ZRANB3: variants seen among roughly 807,000 people sequenced by gnomAD.
ZRANB3 encodes the protein DNA annealing helicase and endonuclease ZRANB3.
ZRANB3 carries 125 observed loss-of-function variants against 133.8 expected under a neutral mutation model. The ratio of observed to expected loss-of-function variants is 0.93; its 90% CI spans 0.81 to 1.08. ZRANB3 has a LOEUF of 1.08. ZRANB3 is among the 50% of genes least tolerant of loss of function. The pLI is 0.00. For missense variants in ZRANB3, 1,229 were observed against 1,275.5 expected (o/e 0.96, Z 0.56); for synonymous variants, 387 against 432.7 (o/e 0.89, Z 1.31).
In ZRANB3 at chr2:135,439,080, A is replaced by T. The variant is rs989217038; in HGVS notation, c.162-48260T>A. On this transcript the variant is annotated intron_variant, in intron 2 of 20. Transcript: ENST00000264159. The stretch of plus-strand genomic sequence containing the variant: ...CTAATGTATAGCAAATATGGATACT[A>T]TAAGAAATTTTAAAAGTTGAGCTTC... Among the ~76,000 whole-genome samples the T allele has an allele frequency of 3.2e-4, 48 of 152,348 alleles. No individual in the cohort carries two copies. In the South Asian group the frequency reaches 3.7e-3, roughly 12 times the overall value.
intron 8 of ZRANB3, among the ~76,000 whole-genome samples, chr2:135,308,072 C>T (rs1195652986): frequency 6.6e-6 from 1 of 152,092 alleles, no homozygotes; most frequent in Non-Finnish European, 1.5e-5. Flanking sequence ...CTGGTACCAA[C>T]TCAGCATAAG....
intron 3 of ZRANB3, among the ~76,000 whole-genome samples, chr2:135,367,591 AAAAT>A (rs1355226440): frequency 3.3e-5 from 5 of 152,210 alleles, no homozygotes; most frequent in African/African-American, 2.4e-5. Flanking sequence ...GAACCTAAAA[AAAAT>A]AAATAAATAA....
intron 2 of ZRANB3, among the ~76,000 whole-genome samples, chr2:135,399,230 A>G (rs1687635061): frequency 6.6e-6 from 1 of 152,146 alleles, no homozygotes; most frequent in African/African-American, 2.4e-5. Context: ...CCGAGAAGCA[A>G]CCTCTGGACC....
intron 6 of ZRANB3, among the ~76,000 whole-genome samples, chr2:135,322,209 T>C (rs899636220): frequency 1.3e-5 from 2 of 152,218 alleles, no homozygotes; most frequent in Non-Finnish European, 2.9e-5. Context: ...CTAGATTCTA[T>C]ATGTTCCAGT....
intron 2 of ZRANB3, among the ~76,000 whole-genome samples, chr2:135,405,191 T>G (rs1057396255): frequency 6.6e-6 from 1 of 152,122 alleles, no homozygotes; most frequent in African/African-American, 2.4e-5. Flanking sequence ...TAAAGCAGAC[T>G]TTAAACCAAC....
At chr2:135,281,010 T>G (rs1470494968) in intron 8 of ZRANB3, among the ~76,000 whole-genome samples, 1 of 152,232 alleles carries the variant, frequency 6.6e-6, no homozygotes, top group Non-Finnish European at 1.5e-5. Flanking sequence ...ACCCTTGGCC[T>G]GTCTTTAGCA....
At chr2:135,217,223 G>T (rs568080681) in intron 17 of ZRANB3, among the ~76,000 whole-genome samples, 95 of 152,298 alleles carry the variant, frequency 6.2e-4, no homozygotes, top group Non-Finnish European at 6.6e-4. Context: ...TGGTCTTTTT[G>T]TTGATTGATG....
chr2:135,386,058 A>C (rs146623732), intron 3 of ZRANB3, among the ~76,000 whole-genome samples: 6,085 of 152,230 alleles, frequency 0.04, 139 homozygotes, highest in African/African-American at 0.048. Flanking sequence ...AACAGGCAAC[A>C]TACAGAATGG....
intron 2 of ZRANB3, among the ~76,000 whole-genome samples, chr2:135,441,259 A>T (rs1400422581): frequency 2.2e-4 from 33 of 152,176 alleles, no homozygotes; most frequent in Admixed American, 2.2e-3. Context: ...ATGTACTGGA[A>T]GCAATGATAC....
chr2:135,437,901 T>C (rs1356716065), intron 2 of ZRANB3, among the ~76,000 whole-genome samples: 1 of 152,160 alleles, frequency 6.6e-6, no homozygotes, highest in African/African-American at 2.4e-5. Flanking sequence ...TGTGTAAACA[T>C]CCACTCTCAC....
At chr2:135,360,064 T>G (rs1685603130) in intron 3 of ZRANB3, among the ~76,000 whole-genome samples, 1 of 152,170 alleles carries the variant, frequency 6.6e-6, no homozygotes, top group South Asian at 2.1e-4. Context: ...AAATAAAATT[T>G]GAAAAGGACT....
rs58003155 is a variant in ZRANB3 at position 135,291,913 on chromosome 2, A to G, written c.967-16158T>C. Among the ~76,000 whole-genome samples, 447 of 152,276 alleles carry G rather than the reference A, an allele frequency of 2.9e-3. 2 individuals are homozygous for G. Among genetic ancestry groups the G allele is most frequent in the African/African-American group, 0.01 (423 of 41,558 alleles). On this transcript the variant is annotated intron_variant, in intron 8 of 20. Transcript: ENST00000264159. ...TTCCAGCTTCATCCATGTCCCTACA[A>G]AGGACATGAACTCATCATTTTTTAG... is the stretch of plus-strand genomic sequence containing the variant.
At chr2:135,508,136 T>A (rs1693278138) in intron 1 of ZRANB3, among the ~76,000 whole-genome samples, 1 of 152,088 alleles carries the variant, frequency 6.6e-6, no homozygotes, top group African/African-American at 2.4e-5. Flanking sequence ...TTGTTTTTTG[T>A]TTTTTGTTTT....
intron 7 of ZRANB3, among the ~76,000 whole-genome samples, chr2:135,313,967 C>T (rs1482358065): frequency 2.6e-5 from 4 of 152,244 alleles, no homozygotes; most frequent in Admixed American, 6.5e-5. Flanking sequence ...CGGGTTCAAG[C>T]GATTCGCCTG....
chr2:135,201,578 CGGGAGGCAGA>C (rs1558823931), intron 20 of ZRANB3, among the ~76,000 whole-genome samples: 1 of 150,684 alleles, frequency 6.6e-6, no homozygotes, highest in East Asian at 2.0e-4. Flanking sequence ...AGCTTGAACC[CGGGAGGCAGA>C]GGTTGCAGTG....
chr2:135,327,589 T>TAA (rs1259855186), intron 6 of ZRANB3, among the ~76,000 whole-genome samples: 5 of 152,160 alleles, frequency 3.3e-5, no homozygotes, highest in Non-Finnish European at 5.9e-5. Context: ...AATTACCAAA[T>TAA]AATTCAAATA....
intron 2 of ZRANB3, among the ~76,000 whole-genome samples, chr2:135,500,015 A>C (rs1351392921): frequency 1.3e-5 from 2 of 152,204 alleles, no homozygotes; most frequent in African/African-American, 4.8e-5. Flanking sequence ...CAATGTGAAT[A>C]GAAATAGGAA....
intron 2 of ZRANB3, among the ~76,000 whole-genome samples, chr2:135,414,110 C>A (rs1688441692): frequency 6.6e-6 from 1 of 151,788 alleles, no homozygotes; most frequent in Admixed American, 6.6e-5. Context: ...ACAATATTAA[C>A]CTTACATGTA....
chr2:135,521,665 C>T (rs1693947220), intron 1 of ZRANB3, among the ~76,000 whole-genome samples: 1 of 152,198 alleles, frequency 6.6e-6, no homozygotes, highest in Non-Finnish European at 1.5e-5. Context: ...AACAACACAA[C>T]ACAATGCGAT....
Sources: gnomAD v4.1 joint callset for allele counts (sites outside exome capture counted in the v4.1 genomes callset) on GRCh38, gnomAD v4.1.1 for gene constraint, MANE v1.5 for transcripts, NCBI Gene and HGNC (gene_info 2026-07-23, HGNC 2026-07-21) for gene names.